Variants in CNTNAP5 observed in about 807,000 individuals in gnomAD.
CNTNAP5 encodes contactin-associated protein-like 5.
CNTNAP5 carries 72 observed loss-of-function variants against 150.2 expected under a neutral mutation model. That is an observed-to-expected ratio of 0.48 (90% CI 0.40 to 0.58). The LOEUF is 0.58. CNTNAP5 is among the 20% of genes least tolerant of loss of function. CNTNAP5 has a pLI of 0.00. For synonymous variants in CNTNAP5, 672 were observed against 619.8 expected (o/e 1.08, Z -1.25); for missense variants, 1,636 against 1,626.2 (o/e 1.01, Z -0.10).
intron 3 of CNTNAP5, among the ~76,000 whole-genome samples, chr2:124,362,844 T>C (rs1690254714): frequency 6.6e-6 from 1 of 152,180 alleles, no homozygotes; most frequent in South Asian, 2.1e-4. Context: ...TCTCAATAAG[T>C]AATCGACTAC....
At chr2:124,215,964 G>A (rs530821944) in intron 1 of CNTNAP5, among the ~76,000 whole-genome samples, 1 of 152,066 alleles carries the variant, frequency 6.6e-6, no homozygotes, top group African/African-American at 2.4e-5. Context: ...GCTTCCAGCT[G>A]GTCAAATAAT....
At chr2:124,836,149 C>T (rs200932660) in intron 19 of CNTNAP5, among the ~76,000 whole-genome samples, 32 of 151,938 alleles carry the variant, frequency 2.1e-4, no homozygotes, top group Admixed American at 1.9e-3. Flanking sequence ...ATAGGATTTC[C>T]GAGGGGATAG....
chr2:124,487,822 A>C (rs1164658552), intron 7 of CNTNAP5, among the ~76,000 whole-genome samples: 1 of 152,124 alleles, frequency 6.6e-6, no homozygotes, highest in East Asian at 1.9e-4. Context: ...TTTTACCCAC[A>C]AAATCGAATG....
At chr2:124,620,552 C>T (rs1441638934) in intron 12 of CNTNAP5, among the ~76,000 whole-genome samples, 2 of 152,080 alleles carry the variant, frequency 1.3e-5, no homozygotes, top group African/African-American at 4.8e-5. Flanking sequence ...CTAGCACATT[C>T]TAGCTGTATG....
intron 3 of CNTNAP5, among the ~76,000 whole-genome samples, chr2:124,346,354 A>G (rs1038019452): frequency 1.1e-4 from 16 of 152,198 alleles, no homozygotes; most frequent in Non-Finnish European, 1.8e-4. Flanking sequence ...TATTTTAACT[A>G]TAGATAGAGA....
At chr2:124,893,624 C>G (rs989889208) in intron 21 of CNTNAP5, among the ~76,000 whole-genome samples, 2 of 151,960 alleles carry the variant, frequency 1.3e-5, no homozygotes, top group African/African-American at 2.4e-5. Flanking sequence ...TGTAATATTG[C>G]CTTGTAGTAT....
At chr2:124,784,643 C>T (rs1350549326) in intron 17 of CNTNAP5, among the ~76,000 whole-genome samples, 1 of 152,096 alleles carries the variant, frequency 6.6e-6, no homozygotes, top group East Asian at 1.9e-4. Context: ...TGAAAGAAAA[C>T]ATGTAAGAGG....
intron 13 of CNTNAP5, among the ~76,000 whole-genome samples, chr2:124,697,400 C>T (rs1443668168): frequency 6.6e-6 from 1 of 152,144 alleles, no homozygotes; most frequent in Non-Finnish European, 1.5e-5. Context: ...GTTTCTTAGA[C>T]ATTCCTCGTT....
chr2:124,399,805 G>A (rs947822247), intron 3 of CNTNAP5, among the ~76,000 whole-genome samples: 2 of 152,152 alleles, frequency 1.3e-5, no homozygotes, highest in African/African-American at 4.8e-5. Flanking sequence ...ATTTTGAATA[G>A]TCTGGGTAAC....
At chr2:124,494,354 C>A (rs2104853466) in intron 7 of CNTNAP5, among the ~76,000 whole-genome samples, 1 of 152,140 alleles carries the variant, frequency 6.6e-6, no homozygotes, top group South Asian at 2.1e-4. Context: ...AGTTGTTGTT[C>A]AAGGACAGGA....
chr2:124,446,696 G>T, intron 5 of CNTNAP5, 57 bp from the exon 6 acceptor site: 3 of 1,537,628 alleles, frequency 2.0e-6, no homozygotes, highest in Non-Finnish European at 2.7e-6. Context: ...GAGCATTCTG[G>T]TGTGCAAAGC....
intron 1 of CNTNAP5, among the ~76,000 whole-genome samples, chr2:124,194,041 G>A (rs1442785630): frequency 6.6e-6 from 1 of 152,078 alleles, no homozygotes; most frequent in Non-Finnish European, 1.5e-5. Flanking sequence ...ATAGCTTTGT[G>A]CCTGTTCGCT....
rs192573549 is a variant in CNTNAP5, at chr2:124,418,144, C to T, written c.529+554C>T. ...AAGATGGGTAGAACTAGTGATCACT[C>T]TAGAATAAGGTTAAAATTATTCAGG... On this transcript the variant is annotated intron_variant, in intron 4 of 23. Coordinates refer to ENST00000682447, the MANE Select transcript of CNTNAP5 (RefSeq NM_001367498.1). 1.7e-4 allele frequency among the ~76,000 whole-genome samples: 26 copies of T among 152,280 alleles called. 1 individual carries two copies. The highest frequency in any genetic ancestry group is 1.7e-3 in the Admixed American group (26 of 15,306).
intron 5 of CNTNAP5, among the ~76,000 whole-genome samples, chr2:124,443,455 G>A (rs1396748253): frequency 6.6e-5 from 10 of 151,864 alleles, no homozygotes; most frequent in Non-Finnish European, 1.5e-4. Context: ...AATTAAATGA[G>A]TAGAAATAAA....
intron 13 of CNTNAP5, among the ~76,000 whole-genome samples, chr2:124,746,318 A>G (rs1680602653): frequency 6.6e-6 from 1 of 152,208 alleles, no homozygotes; most frequent in Non-Finnish European, 1.5e-5. Context: ...ATCATAAAAA[A>G]TCCAACAGAT....
At chr2:124,709,808 A>T (rs937234808) in intron 13 of CNTNAP5, among the ~76,000 whole-genome samples, 2 of 152,172 alleles carry the variant, frequency 1.3e-5, no homozygotes, top group African/African-American at 4.8e-5. Context: ...TATTGAATAG[A>T]TCTGTTCAAC....
chr2:124,783,357 C>T (rs973929769), intron 17 of CNTNAP5, among the ~76,000 whole-genome samples: 1 of 152,062 alleles, frequency 6.6e-6, no homozygotes, highest in African/African-American at 2.4e-5. Context: ...ATAGAATTAC[C>T]ATGACTTATT....
At chr2:124,643,259 G>A (rs575867527) in intron 12 of CNTNAP5, among the ~76,000 whole-genome samples, 1 of 152,258 alleles carries the variant, frequency 6.6e-6, no homozygotes, top group South Asian at 2.1e-4. Flanking sequence ...GTATGCCTTT[G>A]AGCAGTGAAA....
chr2:124,645,055 T>C (rs1678175791), intron 12 of CNTNAP5, among the ~76,000 whole-genome samples: 1 of 152,246 alleles, frequency 6.6e-6, no homozygotes, highest in Non-Finnish European at 1.5e-5. Flanking sequence ...ATAAACATCA[T>C]GGACATTTCA....
Sources: gnomAD v4.1 joint callset for allele counts (sites outside exome capture counted in the v4.1 genomes callset) on GRCh38, gnomAD v4.1.1 for gene constraint, MANE v1.5 for transcripts, NCBI Gene and HGNC (gene_info 2026-07-23, HGNC 2026-07-21) for gene names.